Variants in CSMD1 observed in about 807,000 individuals in gnomAD.
CSMD1 encodes CUB and Sushi multiple domains 1.
A neutral mutation model predicts 417.5 loss-of-function variants in CSMD1; 213 were observed. The ratio of observed to expected loss-of-function variants is 0.51; its 90% confidence interval spans 0.46 to 0.57. The LOEUF is 0.57. CSMD1 is among the 20% of genes least tolerant of loss of function. CSMD1 has a pLI of 0.00. For synonymous variants in CSMD1, 2,862 were observed against 1,736.8 expected, an observed-to-expected ratio of 1.65 and a Z score of -16.11; for missense variants, 6,923 against 4,529.7, an observed-to-expected ratio of 1.53 and a Z score of -15.17.
chr8:4,011,949 C>T (rs187539890), intron 4 of CSMD1, among the ~76,000 whole-genome samples: 1 of 152,122 alleles, frequency 6.6e-6, no homozygotes, highest in Admixed American at 6.5e-5. Flanking sequence ...TAAATCATCT[C>T]TCCATTATTT....
chr8:3,865,158 C>T lies in CSMD1; in HGVS notation c.819-111116G>A, dbSNP rs145933287. ...TCTGTGTGTGTTCCAGCTCAGGCTC[C>T]GATTCCTTGGGTGTAGAGGCACCTC... On this transcript the variant is annotated intron_variant, in intron 5 of 69. Coordinates refer to ENST00000635120, the MANE Select transcript of CSMD1 (RefSeq NM_033225.6). 7.2e-5 allele frequency among the ~76,000 whole-genome samples: 11 copies of T among 152,292 alleles called. No individual in the cohort carries two copies. In the East Asian group the frequency reaches 1.9e-3, roughly 27 times the overall value.
chr8:4,017,585 C>T (rs776523813), intron 4 of CSMD1, among the ~76,000 whole-genome samples: 44 of 152,222 alleles, frequency 2.9e-4, no homozygotes, highest in Non-Finnish European at 4.0e-4. Context: ...GAATTACAGG[C>T]GTGAGCCACC....
At chr8:4,187,410 G>A (rs1247128915) in intron 3 of CSMD1, among the ~76,000 whole-genome samples, 2 of 152,248 alleles carry the variant, frequency 1.3e-5, no homozygotes, top group Non-Finnish European at 2.9e-5. Context: ...ACTTTGGGAG[G>A]CCAAGGCAGG....
At position 4,401,045 on chromosome 8, in the gene CSMD1, A is replaced by G. The variant is rs1326528958; in HGVS notation, c.415+18908T>C. 2.6e-5 allele frequency among the ~76,000 whole-genome samples: 4 copies of G among 152,192 alleles called. No homozygotes were observed. In the East Asian group the frequency reaches 7.7e-4, roughly 29 times the overall value. The stretch of plus-strand genomic sequence containing the variant: ...ATCTGAAAGTTAATATACGCTGAGC[A>G]TGCAATATGATATACTTGATTTTAA... On this transcript the variant is annotated intron_variant, in intron 3 of 69. Transcript: ENST00000635120.
chr8:4,761,022 C>G (rs564611479), intron 1 of CSMD1, among the ~76,000 whole-genome samples: 1 of 152,014 alleles, frequency 6.6e-6, no homozygotes, highest in East Asian at 1.9e-4. Flanking sequence ...AGTTTGGTGT[C>G]AGAATACACA....
At chr8:4,127,982 G>A (rs1376358266) in intron 3 of CSMD1, among the ~76,000 whole-genome samples, 1 of 152,186 alleles carries the variant, frequency 6.6e-6, no homozygotes, top group Non-Finnish European at 1.5e-5. Context: ...AAATGCCACT[G>A]CTTTGGGAAA....
chr8:4,137,278 G>T (rs765446989), intron 3 of CSMD1, among the ~76,000 whole-genome samples: 1 of 152,118 alleles, frequency 6.6e-6, no homozygotes, highest in Non-Finnish European at 1.5e-5. Flanking sequence ...AAGAAACATG[G>T]TCTAATTTTA....
intron 6 of CSMD1, among the ~76,000 whole-genome samples, chr8:3,739,255 A>G (rs1324229292): frequency 6.6e-6 from 1 of 152,208 alleles, no homozygotes; most frequent in Non-Finnish European, 1.5e-5. Context: ...TCATCCTTTG[A>G]AACTTCTGAC....
intron 62 of CSMD1, among the ~76,000 whole-genome samples, chr8:2,960,767 C>G (rs1412090352): frequency 2.6e-5 from 4 of 151,828 alleles, no homozygotes; most frequent in Non-Finnish European, 5.9e-5. Context: ...CTAAGTGGAA[C>G]CTTTTATGGG....
intron 2 of CSMD1, among the ~76,000 whole-genome samples, chr8:4,439,859 G>T (rs779432149): frequency 6.6e-6 from 1 of 152,146 alleles, no homozygotes; most frequent in African/African-American, 2.4e-5. Flanking sequence ...TCGAAAGATA[G>T]GATGGTGTAA....
At position 3,600,462 on chromosome 8, in the gene CSMD1, A is replaced by G. The variant is rs530498560; in HGVS notation, c.1098-14202T>C. Among the ~76,000 whole-genome samples, 10 of 152,370 alleles carry G rather than the reference A, an allele frequency of 6.6e-5. No individual in the cohort carries two copies. The East Asian group carries it at 1.9e-3, about 29-fold the overall frequency. ...GCAGTTCTCAGCAAGGGTCAAGTGT[A>G]TCAGAATCATTCAGGGTTGATTGGA... On this transcript the variant is annotated intron_variant, in intron 8 of 69. Transcript: ENST00000635120.
intron 27 of CSMD1, among the ~76,000 whole-genome samples, chr8:3,224,431 T>A (rs1798382662): frequency 6.6e-6 from 1 of 152,200 alleles, no homozygotes. Context: ...AAATGGTTAT[T>A]GGGTACATGA....
intron 26 of CSMD1, among the ~76,000 whole-genome samples, chr8:3,282,806 A>C (rs1364472480): frequency 1.2e-4 from 19 of 152,214 alleles, no homozygotes; most frequent in Non-Finnish European, 2.4e-4. Flanking sequence ...AACCTTTTAA[A>C]GCATTAAACT....
chr8:4,014,810 G>T (rs1278737072), intron 4 of CSMD1, among the ~76,000 whole-genome samples: 1 of 152,110 alleles, frequency 6.6e-6, no homozygotes, highest in East Asian at 1.9e-4. Context: ...CATCTTTACA[G>T]CTCTATAACC....
intron 5 of CSMD1, among the ~76,000 whole-genome samples, chr8:3,765,672 C>T (rs1286888271): frequency 1.3e-5 from 2 of 152,234 alleles, no homozygotes; most frequent in African/African-American, 4.8e-5. Context: ...TAAGAGAATG[C>T]TGCTCTTGTC....
At chr8:4,833,659 G>A (rs1351398381) in intron 1 of CSMD1, among the ~76,000 whole-genome samples, 4 of 152,174 alleles carry the variant, frequency 2.6e-5, no homozygotes, top group African/African-American at 7.2e-5. Flanking sequence ...ACAACACTAC[G>A]TAGAGTGTTG....
intron 41 of CSMD1, among the ~76,000 whole-genome samples, chr8:3,135,384 C>CT (rs1818017154): frequency 6.6e-6 from 1 of 152,222 alleles, no homozygotes; most frequent in Admixed American, 6.5e-5. Flanking sequence ...CAGGTACCTT[C>CT]TTAAAGGAAC....
intron 8 of CSMD1, among the ~76,000 whole-genome samples, chr8:3,588,502 T>C (rs763590861): frequency 3.3e-5 from 5 of 152,058 alleles, no homozygotes; most frequent in East Asian, 1.9e-4. Context: ...GGGGGAAGCA[T>C]TGCTTCAACT....
At chr8:4,632,545 G>A (rs1217004036) in intron 2 of CSMD1, among the ~76,000 whole-genome samples, 4 of 151,980 alleles carry the variant, frequency 2.6e-5, no homozygotes, top group South Asian at 2.1e-4. Flanking sequence ...AACTCAAGAC[G>A]TTGGTAATCA....
Sources: allele counts gnomAD v4.1 joint callset (sites outside exome capture counted in the v4.1 genomes callset), GRCh38; gene constraint gnomAD v4.1.1; transcripts MANE v1.5; gene names NCBI Gene and HGNC (gene_info 2026-07-23, HGNC 2026-07-21).